PIP5K1B: variants seen among roughly 807,000 people sequenced by gnomAD.
PIP5K1B encodes the protein phosphatidylinositol-4-phosphate 5-kinase type 1 beta.
Under a neutral mutation model 67.0 loss-of-function variants are expected in PIP5K1B, and 42 were observed. The ratio of observed to expected loss-of-function variants is 0.63; its 90% CI spans 0.49 to 0.81. The LOEUF (loss-of-function observed/expected upper bound fraction) is 0.81, where lower values mean the gene tolerates loss of function less well. Among genes scored for constraint, PIP5K1B ranks in the 30% least tolerant of loss-of-function variants. PIP5K1B has a pLI of 0.00. For missense variants in PIP5K1B, 459 were observed against 646.3 expected (o/e 0.71, Z 3.14); for synonymous variants, 214 against 231.4 (o/e 0.92, Z 0.68).
intron 5 of PIP5K1B, among the ~76,000 whole-genome samples, chr9:68,865,078 G>C (rs1823290928): frequency 6.6e-6 from 1 of 152,138 alleles, no homozygotes; most frequent in African/African-American, 2.4e-5. Flanking sequence ...TTAAAAGTCA[G>C]CTACCTCGTT....
chr9:68,895,495 A>G (rs1371682848), intron 8 of PIP5K1B, among the ~76,000 whole-genome samples: 3 of 152,084 alleles, frequency 2.0e-5, no homozygotes, highest in Non-Finnish European at 4.4e-5. Flanking sequence ...CGGATGACCC[A>G]TGTTGTTATA....
chr9:68,918,312 A>C (rs936291753), intron 9 of PIP5K1B, among the ~76,000 whole-genome samples: 1 of 151,070 alleles, frequency 6.6e-6, no homozygotes, highest in Admixed American at 6.6e-5. Flanking sequence ...CTGGTCTCAA[A>C]CTCCTGGCCT....
At chr9:68,764,704 T>C (rs1190334212) in intron 2 of PIP5K1B, among the ~76,000 whole-genome samples, 1 of 152,084 alleles carries the variant, frequency 6.6e-6, no homozygotes, top group Non-Finnish European at 1.5e-5. Flanking sequence ...CAAAAAGTAA[T>C]AATGCTAGCA....
chr9:68,776,715 G>A (rs1830936164), intron 2 of PIP5K1B, among the ~76,000 whole-genome samples: 1 of 152,152 alleles, frequency 6.6e-6, no homozygotes, highest in East Asian at 1.9e-4. Context: ...TGGAATAGAT[G>A]TCTGGTTTTG....
intron 2 of PIP5K1B, chr9:68,780,293 C>T (rs1263364734): frequency 1.3e-6 from 2 of 1,595,054 alleles, no homozygotes; most frequent in Non-Finnish European, 8.5e-7. Flanking sequence ...TGATCCACGG[C>T]CTCAGTGACA....
At chr9:68,719,339 G>A (rs1827777109) in intron 1 of PIP5K1B, among the ~76,000 whole-genome samples, 1 of 152,176 alleles carries the variant, frequency 6.6e-6, no homozygotes, top group South Asian at 2.1e-4. Flanking sequence ...ATAGATTACT[G>A]CATTTCTCTT....
intron 2 of PIP5K1B, among the ~76,000 whole-genome samples, chr9:68,787,780 G>A (rs1209682160): frequency 1.3e-5 from 2 of 152,018 alleles, no homozygotes; most frequent in Non-Finnish European, 2.9e-5. Flanking sequence ...CTACAGGCAT[G>A]TGCCACCATG....
At chr9:68,731,788 A>T (rs958801042) in intron 1 of PIP5K1B, among the ~76,000 whole-genome samples, 1 of 152,254 alleles carries the variant, frequency 6.6e-6, no homozygotes, top group South Asian at 2.1e-4. Flanking sequence ...GCTGGTACAC[A>T]GGGCAAATGC....
At chr9:68,795,044 G>T (rs879705203) in intron 2 of PIP5K1B, among the ~76,000 whole-genome samples, 1 of 152,114 alleles carries the variant, frequency 6.6e-6, no homozygotes, top group Non-Finnish European at 1.5e-5. Flanking sequence ...GTTAAGTGCC[G>T]TGCACTCCAT....
chr9:68,826,991 A>G (rs1397401824), intron 4 of PIP5K1B, among the ~76,000 whole-genome samples: 1 of 152,176 alleles, frequency 6.6e-6, no homozygotes, highest in African/African-American at 2.4e-5. Context: ...AGCTCAGGCA[A>G]TCGACCCACC....
At position 68,915,025 on chromosome 9, in the gene PIP5K1B, CAATT is replaced by C. The variant is rs773597291; in HGVS notation, c.772-2516_772-2513del. ...TTATAATCATAGTGATAAGAGCTAG[CAATT>C]AATTAAGCACTTTATGCTAGAGACT... On this transcript the variant is annotated intron_variant, in intron 8 of 15. Transcript: ENST00000265382. Among the ~76,000 whole-genome samples, 88 of 152,280 alleles carry C rather than the reference CAATT, an allele frequency of 5.8e-4. 1 individual carries two copies. The highest frequency in any genetic ancestry group is 3.3e-3 in the Admixed American group (51 of 15,298).
intron 2 of PIP5K1B, chr9:68,780,291 G>C (rs773822144): frequency 6.3e-6 from 10 of 1,591,540 alleles, no homozygotes; most frequent in Non-Finnish European, 8.6e-6. Context: ...CCTGATCCAC[G>C]GCCTCAGTGA....
intron 1 of PIP5K1B, chr9:68,707,716 G>A (rs960794740): frequency 1.3e-5 from 2 of 152,112 alleles, no homozygotes; most frequent in African/African-American, 4.8e-5. Context: ...CCATTGCTTT[G>A]TGTATTCTGC....
intron 14 of PIP5K1B, among the ~76,000 whole-genome samples, chr9:68,981,257 G>C (rs1308619987): frequency 6.6e-6 from 1 of 152,188 alleles, no homozygotes; most frequent in South Asian, 2.1e-4. Context: ...AGCTCACTAG[G>C]TATGTTATTT....
At chr9:68,942,729 T>G (rs1445260218) in intron 14 of PIP5K1B, among the ~76,000 whole-genome samples, 2 of 152,242 alleles carry the variant, frequency 1.3e-5, no homozygotes, top group Non-Finnish European at 2.9e-5. Flanking sequence ...ATGATATTTT[T>G]CCTTTCTTTT....
At chr9:68,728,655 G>A (rs1180641555) in intron 1 of PIP5K1B, 1 of 152,146 alleles carries the variant, frequency 6.6e-6, no homozygotes, top group Non-Finnish European at 1.5e-5. Context: ...TTGAGATACT[G>A]GGGGAAACCT....
chr9:68,843,092 C>T (rs1822000896), intron 4 of PIP5K1B: 1 of 152,082 alleles, frequency 6.6e-6, no homozygotes, highest in South Asian at 2.1e-4. Context: ...CTTTGGGGTC[C>T]TGATAAAGCT....
chr9:68,816,018 T>C (rs967275308), intron 2 of PIP5K1B, among the ~76,000 whole-genome samples: 1 of 152,202 alleles, frequency 6.6e-6, no homozygotes, highest in African/African-American at 2.4e-5. Context: ...AGAAAACTTA[T>C]GATCCTAAAG....
intron 2 of PIP5K1B, among the ~76,000 whole-genome samples, chr9:68,804,435 G>A (rs150329932): frequency 2.1e-4 from 32 of 152,180 alleles, no homozygotes; most frequent in African/African-American, 7.2e-4. Flanking sequence ...GGCAGGTAGC[G>A]GACTTAAGGA....
Sources: allele counts gnomAD v4.1 joint callset (sites outside exome capture counted in the v4.1 genomes callset), GRCh38; gene constraint gnomAD v4.1.1; transcripts MANE v1.5; gene names NCBI Gene and HGNC (gene_info 2026-07-23, HGNC 2026-07-21).